Variants in PLEKHA5 observed in about 807,000 individuals in gnomAD.
PLEKHA5 encodes pleckstrin homology domain containing A5, also known as pleckstrin homology domain-containing family A member 5.
Under a neutral mutation model 181.9 loss-of-function variants are expected in PLEKHA5, and 55 were observed. The observed-to-expected ratio is 0.30, with a 90% CI of 0.24 to 0.38. The LOEUF (loss-of-function observed/expected upper bound fraction) is 0.38, where lower values mean the gene tolerates loss of function less well. Ranked by LOEUF, PLEKHA5 falls within the 10% of genes least tolerant of loss-of-function variation. The pLI, the probability that PLEKHA5 is intolerant of heterozygous loss-of-function variation, is 1.00. For missense variants in PLEKHA5, 1,432 were observed against 1,549.5 expected (o/e 0.92, Z 1.27); for synonymous variants, 535 against 529.4 (o/e 1.01, Z -0.15).
intron 15 of PLEKHA5, among the ~76,000 whole-genome samples, chr12:19,302,300 A>G (rs2081724774): frequency 6.6e-6 from 1 of 152,236 alleles, no homozygotes; most frequent in Non-Finnish European, 1.5e-5. Flanking sequence ...ACACTGTTCA[A>G]GAAAAAGGAA....
chr12:19,347,000 G>A lies in PLEKHA5; in HGVS notation c.2716G>A (p.Glu906Lys), dbSNP rs1347614499. The change falls in exon 24 of 32, where the codon GAA (glutamate) becomes AAA (lysine). Residue 906 changes from glutamate to lysine, a missense_variant. Physicochemically the swap from Glu to Lys is moderately conservative, Grantham distance 56. Coordinates refer to ENST00000429027, the MANE Select transcript of PLEKHA5 (RefSeq NM_001256470.2). ...ACTGTTCTACAATCTTTAGGAAGAG[G>A]AAGTAGTCCCACCTCGTCCTCCACT... is the stretch of plus-strand genomic sequence containing the variant. ...STVKYKNEEE[E>K]VVPPRPPLPR... 3 of 1,545,890 alleles carry A rather than the reference G, an allele frequency of 1.9e-6. No homozygotes were observed. Among genetic ancestry groups the A allele is most frequent in the South Asian group, 2.4e-5 (2 of 83,026 alleles).
rs1431126680 is a variant in PLEKHA5 at position 19,131,899 on chromosome 12, G to C, written c.170-494G>C. Among the ~76,000 whole-genome samples the C allele has an allele frequency of 2.0e-5, 3 of 152,332 alleles. No homozygotes were observed. The East Asian group carries it at 5.8e-4, about 29-fold the overall frequency. On this transcript the variant is annotated intron_variant, in intron 2 of 31. Coordinates refer to ENST00000429027, the MANE Select transcript of PLEKHA5 (RefSeq NM_001256470.2). ...TTAGAAACACACACGGAAGTATTCG[G>C]TGTCATTTCTTTTCCATTAATTAAG...
intron 15 of PLEKHA5, among the ~76,000 whole-genome samples, chr12:19,303,079 A>G (rs965187029): frequency 7.9e-5 from 12 of 151,008 alleles, no homozygotes; most frequent in Admixed American, 7.3e-4. Flanking sequence ...ACACCACCGC[A>G]CCCAGCTAAT....
rs1006087678 is a variant in PLEKHA5, at chr12:19,242,495, C to A, written c.228-11445C>A. On this transcript the variant is annotated intron_variant, in intron 3 of 31. Coordinates refer to ENST00000429027, the MANE Select transcript of PLEKHA5 (RefSeq NM_001256470.2). ...ACCTCAGGTGATCCACCTGCCTCTGCCTCCCAAAGTGCTAGAATTACAGGC... is the reference window on the plus strand; with the variant it reads ...ACCTCAGGTGATCCACCTGCCTCTGACTCCCAAAGTGCTAGAATTACAGGC... 2.6e-5 allele frequency among the ~76,000 whole-genome samples: 4 copies of A among 152,116 alleles called. 1 individual carries two copies. Among genetic ancestry groups the A allele is most frequent in the African/African-American group, 9.7e-5 (4 of 41,406 alleles).
chr12:19,205,954 A>G lies in PLEKHA5; in HGVS notation c.228-47986A>G, dbSNP rs180680049. 4.4e-4 allele frequency among the ~76,000 whole-genome samples: 67 copies of G among 152,224 alleles called. 1 individual carries two copies. Among genetic ancestry groups the G allele is most frequent in the Admixed American group, 2.1e-3 (32 of 15,268 alleles). ...TATTAAAAAGGTCGTTTAAAAATGA[A>G]AGTTTGCTGTGTAATACAGTTGATC... is the stretch of plus-strand genomic sequence containing the variant. On this transcript the variant is annotated intron_variant, in intron 3 of 31. Transcript: ENST00000429027.
At chr12:19,350,139 C>T (rs907191196) in intron 25 of PLEKHA5, among the ~76,000 whole-genome samples, 8 of 152,016 alleles carry the variant, frequency 5.3e-5, no homozygotes, top group African/African-American at 1.7e-4. Flanking sequence ...ATAGATATAT[C>T]GCACTGTTTG....
chr12:19,263,373 A>G (rs2069157717), intron 7 of PLEKHA5, among the ~76,000 whole-genome samples: 3 of 152,106 alleles, frequency 2.0e-5, no homozygotes, highest in South Asian at 2.1e-4. Context: ...GAACTCAGGC[A>G]CTCTGACTCC....
chr12:19,304,481 CT>C (rs1254091951), intron 15 of PLEKHA5, among the ~76,000 whole-genome samples: 4 of 152,140 alleles, frequency 2.6e-5, no homozygotes, highest in Non-Finnish European at 5.9e-5. Flanking sequence ...AGTTTTTTAT[CT>C]TTGATAGTTG....
rs563996743 is a variant in PLEKHA5, at chr12:19,296,009, A to G, written c.2037+4312A>G. On this transcript the variant is annotated intron_variant, in intron 15 of 31. Coordinates refer to ENST00000429027, the MANE Select transcript of PLEKHA5 (RefSeq NM_001256470.2). The stretch of plus-strand genomic sequence containing the variant: ...AACTTTGGGAGGCCAAGGCAGGTGC[A>G]TCACCTGAGGGCAGGAGTTCGAGAC... Among the ~76,000 whole-genome samples, 3 of 152,320 alleles carry G rather than the reference A, an allele frequency of 2.0e-5. No individual in the cohort carries two copies. In the South Asian group the frequency reaches 6.2e-4, roughly 32 times the overall value.
intron 3 of PLEKHA5, among the ~76,000 whole-genome samples, chr12:19,216,722 C>A (rs1183309411): frequency 6.6e-6 from 1 of 151,668 alleles, no homozygotes; most frequent in Non-Finnish European, 1.5e-5. Flanking sequence ...GGATTCACTG[C>A]CTGGATGGCT....
At position 19,253,064 on chromosome 12, in the gene PLEKHA5, C is replaced by CTTTTTTTT. The variant is rs35536570; in HGVS notation, c.228-857_228-850dup. Among the ~76,000 whole-genome samples, 309 of 45,870 alleles carry CTTTTTTTT rather than the reference C, an allele frequency of 6.7e-3. 80 individuals are homozygous for CTTTTTTTT. The highest frequency in any genetic ancestry group is 0.013 in the South Asian group (12 of 914). 30.1% of individuals were successfully genotyped at this position (45,870 alleles called of 152,430 possible). A position where few individuals can be genotyped will look rare whatever the true frequency, so the allele number is the denominator to read the frequency against. Reference sequence around the variant, plus strand: ...GAGCTAAACAGCCAAATCAACTTACCTTTTTTTTTTTTTTTTTTTTTTTTT... The same window carrying CTTTTTTTT: ...GAGCTAAACAGCCAAATCAACTTACCTTTTTTTTTTTTTTTTTTTTTTTTTTTTTTTTT... On this transcript the variant is annotated intron_variant, in intron 3 of 31. Coordinates refer to ENST00000429027, the MANE Select transcript of PLEKHA5 (RefSeq NM_001256470.2).
Position 19,166,872 on chromosome 12 carries a change from T to C in PLEKHA5, c.227+34422T>C, listed in dbSNP as rs576997762. ...TCCTATTAATGTATAGTCCACCTTA[T>C]ATTTGTTTAAATTAAGTTATCAAAT... On this transcript the variant is annotated intron_variant, in intron 3 of 31. Coordinates refer to ENST00000429027, the MANE Select transcript of PLEKHA5 (RefSeq NM_001256470.2). Among the ~76,000 whole-genome samples the C allele has an allele frequency of 2.0e-5, 3 of 152,368 alleles. No individual in the cohort carries two copies. The East Asian group carries it at 5.8e-4, about 29-fold the overall frequency.
intron 15 of PLEKHA5, among the ~76,000 whole-genome samples, chr12:19,313,845 T>C (rs1365291301): frequency 6.6e-6 from 1 of 152,150 alleles, no homozygotes; most frequent in Non-Finnish European, 1.5e-5. Flanking sequence ...GTTTTAAGAT[T>C]TAGTTTTTTC....
intron 9 of PLEKHA5, 49 bp downstream of exon 9, chr12:19,269,934 C>T (rs796084714): frequency 1.0e-6 from 1 of 972,378 alleles, no homozygotes; most frequent in Non-Finnish European, 1.7e-6. Context: ...CCATTTTATT[C>T]CATGCCTTGC....
intron 10 of PLEKHA5, among the ~76,000 whole-genome samples, chr12:19,271,973 T>A (rs2072978406): frequency 6.6e-6 from 1 of 152,234 alleles, no homozygotes; most frequent in Non-Finnish European, 1.5e-5. Context: ...GAGATTTTGT[T>A]TGCTTGGTTT....
At chr12:19,263,084 ATAT>A (rs2069030229) in intron 7 of PLEKHA5, among the ~76,000 whole-genome samples, 1 of 152,218 alleles carries the variant, frequency 6.6e-6, no homozygotes, top group Non-Finnish European at 1.5e-5. Context: ...GAAGTATATG[ATAT>A]TATACATTTT....
At position 19,165,437 on chromosome 12, in the gene PLEKHA5, A is replaced by T. The variant is rs10770439; in HGVS notation, c.227+32987A>T. 5.6e-3 allele frequency among the ~76,000 whole-genome samples: 815 copies of T among 144,860 alleles called. 5 individuals carry two copies. The highest frequency in any genetic ancestry group is 0.014 in the African/African-American group (519 of 38,366). On this transcript the variant is annotated intron_variant, in intron 3 of 31. Coordinates refer to ENST00000429027, the MANE Select transcript of PLEKHA5 (RefSeq NM_001256470.2). ...ACCTCACCTCTTTTCTGTGTACTCT[A>T]TTTTTTTTTTTTTTAATTTATGAAT... is the stretch of plus-strand genomic sequence containing the variant.
At chr12:19,225,732 T>C (rs562282899) in intron 3 of PLEKHA5, among the ~76,000 whole-genome samples, 140 of 152,328 alleles carry the variant, frequency 9.2e-4, no homozygotes, top group African/African-American at 3.1e-3. Flanking sequence ...TCAGAATGCT[T>C]TTTAACCTGT....
intron 3 of PLEKHA5, among the ~76,000 whole-genome samples, chr12:19,144,955 C>A (rs2038500391): frequency 6.6e-6 from 1 of 152,176 alleles, no homozygotes; most frequent in Non-Finnish European, 1.5e-5. Flanking sequence ...ACAGTTAATA[C>A]ACTTGGTAGT....
Sources: gnomAD v4.1 joint callset for allele counts (sites outside exome capture counted in the v4.1 genomes callset) on GRCh38, gnomAD v4.1.1 for gene constraint, MANE v1.5 for transcripts, NCBI Gene and HGNC (gene_info 2026-07-23, HGNC 2026-07-21) for gene names.